TMED1: variants seen among roughly 807,000 people sequenced by gnomAD.
TMED1 encodes the protein transmembrane p24 trafficking protein 1.
A neutral mutation model predicts 21.2 loss-of-function variants in TMED1; 20 were observed. That is an observed-to-expected ratio of 0.95 (90% confidence interval 0.67 to 1.37). The LOEUF (loss-of-function observed/expected upper bound fraction) is 1.37. TMED1 is among the 40% of genes most tolerant of loss of function. The probability of loss-of-function intolerance (pLI) is 0.00; values close to 1 mark genes in which losing one functional copy is unlikely to be tolerated. For missense variants in TMED1, 316 were observed against 309.8 expected, an observed-to-expected ratio of 1.02 and a Z score of -0.15; for synonymous variants, 149 against 134.7, an observed-to-expected ratio of 1.11 and a Z score of -0.74.
intron 1 of TMED1, 133 bp from the exon 2 acceptor site, chr19:10,835,486 C>A: frequency 6.7e-7 from 1 of 1,487,288 alleles, no homozygotes; most frequent in Middle Eastern, 2.4e-4. Context: ...CACCCACACC[C>A]GCCCCAACCT....
At chr19:10,833,637 C>T (rs572506530) in intron 3 of TMED1, 1 of 208,132 alleles carries the variant, frequency 4.8e-6, no homozygotes, top group South Asian at 7.9e-5. Context: ...AACTGCAATC[C>T]CAGCTACTCA....
chr19:10,833,038 G>C lies in TMED1; in HGVS notation c.641C>G (p.Thr214Arg), dbSNP rs555516048. ...CTTGTCCTGGAAGAAGCGCTTGAGC[G>C]TGCAGACCTGCAGCACAGCCACCAG... The part of the protein sequence containing the change: ...LLLVAVLQVC[T>R]LKRFFQDKRP... The change falls in exon 4 of 4, where the codon ACG becomes AGG. Residue 214 changes from threonine (T) to arginine (R), a missense_variant. Coordinates refer to ENST00000214869, the MANE Select transcript of TMED1 (RefSeq NM_006858.4). 1 of 1,613,648 alleles carries C rather than the reference G, an allele frequency of 6.2e-7. No individual in the cohort carries two copies. The highest frequency in any genetic ancestry group is 8.5e-7 in the Non-Finnish European group (1 of 1,180,048).
intron 1 of TMED1, 68 bp from the exon 2 acceptor site, chr19:10,835,421 G>A: frequency 1.9e-6 from 3 of 1,595,866 alleles, no homozygotes; most frequent in Admixed American, 3.4e-5. Context: ...AGAGGGCTAC[G>A]GCTGAACCAA....
At chr19:10,834,430 G>C (rs981823872) in intron 3 of TMED1, among the ~76,000 whole-genome samples, 3 of 151,640 alleles carry the variant, frequency 2.0e-5, no homozygotes, top group African/African-American at 7.3e-5. Context: ...CTTTACACCA[G>C]GGTTTATACC....
At chr19:10,835,788 C>G in intron 1 of TMED1, 15 of 985,240 alleles carry the variant, frequency 1.5e-5, no homozygotes, top group Non-Finnish European at 1.8e-5. Context: ...ATGGCCCCGC[C>G]CCCTCTGGAT....
rs769562165 is a variant in TMED1, at chr19:10,834,905, G to A, written c.465+29C>T. 1.8e-5 allele frequency: 29 copies of A among 1,603,162 alleles called. No homozygotes were observed. In the Admixed American group the frequency reaches 4.7e-4, roughly 26 times the overall value. On this transcript the variant is annotated intron_variant, in intron 3 of 3. Transcript: ENST00000214869. Reference sequence around the variant, plus strand: ...CCAGGTGAATCCTAGAGATCTGGAAGGAGTGGCCCCAGCGCAGCCTGGACA... The same window carrying A: ...CCAGGTGAATCCTAGAGATCTGGAAAGAGTGGCCCCAGCGCAGCCTGGACA...
Position 10,832,951 on chromosome 19 carries a change from C to G in TMED1, c.*44G>C. The G allele has an allele frequency of 1.3e-6, 2 of 1,598,382 alleles. No homozygotes were observed. Among genetic ancestry groups the G allele is most frequent in the Non-Finnish European group, 8.5e-7 (1 of 1,175,466 alleles). The stretch of plus-strand genomic sequence containing the variant: ...ACCCCCAAGTCTCATATGCACACAC[C>G]CTGCTGCCCCTCCTTTGTCCCGTTC... On this transcript the variant is annotated 3_prime_UTR_variant, in exon 4 of 4. Coordinates refer to ENST00000214869, the MANE Select transcript of TMED1 (RefSeq NM_006858.4).
In TMED1 at chr19:10,835,559, T is replaced by C. The variant is rs1208927179; in HGVS notation, c.184-206A>G. 4.9e-6 allele frequency: 7 copies of C among 1,438,836 alleles called. No homozygotes were observed. In the Admixed American group the frequency reaches 1.9e-4, roughly 38 times the overall value. The allele number at this position is 1,438,836 out of a possible 1,614,324, so 89.1% of individuals were successfully genotyped here. On this transcript the variant is annotated intron_variant, in intron 1 of 3. Coordinates refer to ENST00000214869, the MANE Select transcript of TMED1 (RefSeq NM_006858.4). The stretch of plus-strand genomic sequence containing the variant: ...ATATGACAGCTTGGGGTCCATACTT[T>C]CAGCTGACCACGCACCTACCAAAAG...
rs749611116 is a variant in TMED1, at chr19:10,833,106, C to A, written c.573G>T (p.Glu191Asp). 6.2e-7 allele frequency: 1 copy of A among 1,614,118 alleles called. No individual in the cohort carries two copies. Among genetic ancestry groups the A allele is most frequent in the South Asian group, 1.1e-5 (1 of 91,090 alleles). ...RDRNLQEGNL[E>D]RVNFWSAVNV... Reference sequence around the variant, plus strand: ...TGACAGCTGACCAGAAGTTGACCCGCTCCAAGTTGCCCTCTTGCAGGTTGC... The same window carrying A: ...TGACAGCTGACCAGAAGTTGACCCGATCCAAGTTGCCCTCTTGCAGGTTGC... Residue 191 changes from glutamate to aspartate, a missense_variant, in exon 4 of 4, where the codon GAG (glutamate) becomes GAT (aspartate). By Grantham distance (45) the Glu-to-Asp change is conservative. Coordinates refer to ENST00000214869, the MANE Select transcript of TMED1 (RefSeq NM_006858.4).
chr19:10,833,912 G>A (rs531446881), intron 3 of TMED1, among the ~76,000 whole-genome samples: 4 of 151,996 alleles, frequency 2.6e-5, no homozygotes, highest in South Asian at 2.1e-4. Flanking sequence ...GCTCACACCT[G>A]TAATCCCAGA....
At chr19:10,835,916 C>T in intron 1 of TMED1, 93 bp downstream of exon 1, 1 of 1,461,726 alleles carries the variant, frequency 6.8e-7, no homozygotes, top group African/African-American at 1.4e-5. Context: ...GCACGGATTC[C>T]TCCCCCTTCC....
intron 3 of TMED1, 120 bp from the exon 4 acceptor site, chr19:10,833,333 A>C: frequency 1.2e-6 from 1 of 807,210 alleles, no homozygotes; most frequent in South Asian, 1.7e-5. Context: ...AGCTGCAAAC[A>C]CAGACTTGTT....
Position 10,832,725 on chromosome 19 carries a change from C to T in TMED1, c.*270G>A. 1.7e-6 allele frequency: 1 copy of T among 596,910 alleles called. No homozygotes were observed. Among genetic ancestry groups the T allele is most frequent in the Non-Finnish European group, 3.0e-6 (1 of 336,218 alleles). 37.0% of individuals were successfully genotyped at this position (596,910 alleles called of 1,614,324 possible). A position where few individuals can be genotyped will look rare whatever the true frequency, so the allele number is the denominator to read the frequency against. On this transcript the variant is annotated 3_prime_UTR_variant, in exon 4 of 4. Coordinates refer to ENST00000214869, the MANE Select transcript of TMED1 (RefSeq NM_006858.4). The stretch of plus-strand genomic sequence containing the variant: ...TAAGGCACATTTACAGTAGAGGGGC[C>T]AGGAAATCCGAGGCTCACGTTCCAA...
intron 3 of TMED1, 187 bp downstream of exon 3, chr19:10,834,747 C>T (rs1437679531): frequency 1.6e-6 from 1 of 637,846 alleles, no homozygotes; most frequent in South Asian, 2.0e-5. Flanking sequence ...TCCCAAAGTG[C>T]TGGGATTACA....
At chr19:10,834,810 T>C (rs1812765509) in intron 3 of TMED1, 124 bp downstream of exon 3, 3 of 1,139,078 alleles carry the variant, frequency 2.6e-6, no homozygotes, top group Non-Finnish European at 3.8e-6. Flanking sequence ...TAAGAGCTGC[T>C]ACTCTTACTA....
At chr19:10,835,407 C>G (rs1029072165) in intron 1 of TMED1, 54 bp from the exon 2 acceptor site, 7 of 1,605,378 alleles carry the variant, frequency 4.4e-6, no homozygotes, top group Non-Finnish European at 6.0e-6. Flanking sequence ...AGGGCGCCTG[C>G]CGAAGAGGGC....
rs998307835 is a variant in TMED1 at position 10,832,831 on chromosome 19, C to G, written c.*164G>C. ...GTCCCTTCTACAAGCCAGAGGTGTT[C>G]CCTGCCCGCTGAGGACGGAAGGAGA... On this transcript the variant is annotated 3_prime_UTR_variant, in exon 4 of 4. Transcript: ENST00000214869. 2 of 753,248 alleles carry G rather than the reference C, an allele frequency of 2.7e-6. No individual in the cohort carries two copies. Among genetic ancestry groups the G allele is most frequent in the African/African-American group, 3.5e-5 (2 of 57,112 alleles). The allele number at this position is 753,248 out of a possible 1,614,324, so 46.7% of individuals were successfully genotyped here. A position where few individuals can be genotyped will look rare whatever the true frequency, so the allele number is the denominator to read the frequency against.
intron 1 of TMED1, chr19:10,835,696 GC>G: frequency 7.2e-7 from 1 of 1,394,994 alleles, no homozygotes; most frequent in South Asian, 1.6e-5. Flanking sequence ...TGTGGGCAAC[GC>G]CCCCGCAGTT....
intron 3 of TMED1, chr19:10,834,682 G>A (rs1387502448): frequency 2.8e-5 from 9 of 317,058 alleles, no homozygotes; most frequent in Non-Finnish European, 5.4e-5. Context: ...GTTTCACCAT[G>A]TTGGCCAGGC....
Sources: gnomAD v4.1 joint callset for allele counts (sites outside exome capture counted in the v4.1 genomes callset) on GRCh38, gnomAD v4.1.1 for gene constraint, MANE v1.5 for transcripts, NCBI Gene and HGNC (gene_info 2026-07-23, HGNC 2026-07-21) for gene names.